Variants in STAM2 observed in about 807,000 individuals in gnomAD.
The protein encoded by STAM2 is signal transducing adaptor molecule 2.
A neutral mutation model predicts 65.6 loss-of-function variants in STAM2; 51 were observed. The ratio of observed to expected loss-of-function variants is 0.78; its 90% CI spans 0.62 to 0.98. The LOEUF (loss-of-function observed/expected upper bound fraction) is 0.98, where lower values mean the gene tolerates loss of function less well. Ranked by LOEUF, STAM2 falls within the 50% of genes least tolerant of loss-of-function variation. The pLI is 0.00. For missense variants in STAM2, 584 were observed against 617.8 expected (o/e 0.95, Z 0.58); for synonymous variants, 198 against 208.4 (o/e 0.95, Z 0.43).
At chr2:152,147,452 G>C in intron 4 of STAM2, 144 bp from the exon 5 acceptor site, 2 of 711,112 alleles carry the variant, frequency 2.8e-6, no homozygotes, top group Non-Finnish European at 4.3e-6. Flanking sequence ...GCCTAGTTGA[G>C]TAATTGATAG....
At chr2:152,160,099 C>G (rs1434666773) in intron 1 of STAM2, among the ~76,000 whole-genome samples, 1 of 152,238 alleles carries the variant, frequency 6.6e-6, no homozygotes, top group Non-Finnish European at 1.5e-5. Context: ...CTCCCAGCCG[C>G]CTGCCTTGGC....
intron 1 of STAM2, among the ~76,000 whole-genome samples, chr2:152,156,283 A>C (rs1451707395): frequency 6.6e-6 from 1 of 152,222 alleles, no homozygotes; most frequent in African/African-American, 2.4e-5. Context: ...CTTTTTAAAA[A>C]TATAAAATCT....
chr2:152,152,750 T>C (rs923449268), intron 1 of STAM2, among the ~76,000 whole-genome samples: 10 of 152,176 alleles, frequency 6.6e-5, no homozygotes, highest in African/African-American at 1.7e-4. Context: ...AACTATACTA[T>C]GGTACATTCC....
intron 1 of STAM2, among the ~76,000 whole-genome samples, chr2:152,154,877 G>C (rs1689513543): frequency 6.6e-6 from 1 of 152,092 alleles, no homozygotes; most frequent in African/African-American, 2.4e-5. Flanking sequence ...AAACAAGCTA[G>C]AGAAAAGTTA....
At chr2:152,136,378 G>A (rs1190252150) in intron 7 of STAM2, among the ~76,000 whole-genome samples, 1 of 152,124 alleles carries the variant, frequency 6.6e-6, no homozygotes, top group East Asian at 1.9e-4. Flanking sequence ...AGAAGGCAGA[G>A]GTTGCAGTGA....
At chr2:152,141,925 A>G (rs1029233901) in intron 7 of STAM2, among the ~76,000 whole-genome samples, 2 of 152,124 alleles carry the variant, frequency 1.3e-5, no homozygotes, top group Non-Finnish European at 2.9e-5. Flanking sequence ...CAAGAATGAT[A>G]TATTTTCAAG....
chr2:152,167,373 C>G (rs116202063), intron 1 of STAM2, among the ~76,000 whole-genome samples: 49 of 152,248 alleles, frequency 3.2e-4, no homozygotes, highest in African/African-American at 1.2e-3. Flanking sequence ...TAAAGGAAGT[C>G]TAAAAGCTGG....
rs867349873 is a variant in STAM2, at chr2:152,120,172, A to G, written c.*402T>C. 8.2e-5 allele frequency: 12 copies of G among 146,918 alleles called. No individual in the cohort carries two copies. In the East Asian group the frequency reaches 1.9e-3, roughly 23 times the overall value. The allele number at this position is 146,918 out of a possible 1,614,324, so 9.1% of individuals were successfully genotyped here. ...TTAATCCTCCTATCTCATACTGTTT[A>G]TAAGTATGAGATACTTTTGACAAAC... On this transcript the variant is annotated 3_prime_UTR_variant, in exon 14 of 14. Transcript: ENST00000263904.
At chr2:152,155,433 T>C (rs1579328487) in intron 1 of STAM2, among the ~76,000 whole-genome samples, 1 of 152,318 alleles carries the variant, frequency 6.6e-6, no homozygotes, top group East Asian at 1.9e-4. Flanking sequence ...AGGATCAAAC[T>C]TCAATAGCAA....
intron 12 of STAM2, among the ~76,000 whole-genome samples, chr2:152,125,093 C>A (rs1162297946): frequency 6.6e-6 from 1 of 152,046 alleles, no homozygotes; most frequent in African/African-American, 2.4e-5. Flanking sequence ...GGCAAATAAC[C>A]CTTTACAGAC....
intron 7 of STAM2, among the ~76,000 whole-genome samples, chr2:152,136,020 G>C (rs1286048330): frequency 6.6e-6 from 1 of 150,630 alleles, no homozygotes; most frequent in Non-Finnish European, 1.5e-5. Context: ...AACCCGGGAG[G>C]AGGAGGTTGC....
chr2:152,150,673 G>A (rs927866311), intron 1 of STAM2, among the ~76,000 whole-genome samples: 18 of 152,156 alleles, frequency 1.2e-4, no homozygotes, highest in Non-Finnish European at 2.4e-4. Context: ...AGGCATGGTG[G>A]CAAATGCCTG....
intron 6 of STAM2, 119 bp downstream of exon 6, chr2:152,144,769 C>T (rs959155168): frequency 1.9e-5 from 14 of 739,608 alleles, no homozygotes; most frequent in Non-Finnish European, 2.9e-5. Context: ...GATCTCTTGA[C>T]CTCATGATCT....
At chr2:152,162,079 T>C (rs1007450280) in intron 1 of STAM2, among the ~76,000 whole-genome samples, 3 of 152,148 alleles carry the variant, frequency 2.0e-5, no homozygotes, top group African/African-American at 7.2e-5. Flanking sequence ...CATCTTGGCC[T>C]CCCAAAGTGC....
chr2:152,144,945 C>A lies in STAM2; in HGVS notation c.460G>T (p.Ala154Ser), dbSNP rs781388169. 1 of 1,613,476 alleles carries A rather than the reference C, an allele frequency of 6.2e-7. No homozygotes were observed. Among genetic ancestry groups the A allele is most frequent in the South Asian group, 1.1e-5 (1 of 91,046 alleles). ...TTCGATGACGTACCATTCTTGGCAG[C>A]AGCTGAGACAGTCTGTAAATGTATG... ...PPAGSQTVSAAAKNGTSSNKN... is the reference protein window; with the variant it reads ...PPAGSQTVSASAKNGTSSNKN... The change falls in exon 6 of 14, where the codon GCT becomes TCT. Residue 154 changes from alanine (A) to serine (S), a missense_variant. By Grantham distance (99) the Ala-to-Ser change is moderately conservative. Coordinates refer to ENST00000263904, the MANE Select transcript of STAM2 (RefSeq NM_005843.6).
Position 152,129,686 on chromosome 2 carries a change from C to T in STAM2, c.1025+2428G>A, listed in dbSNP as rs78663756. Among the ~76,000 whole-genome samples, 537 of 152,118 alleles carry T rather than the reference C, an allele frequency of 3.5e-3. 2 individuals carry two copies. Among genetic ancestry groups the T allele is most frequent in the Admixed American group, 9.6e-3 (147 of 15,296 alleles). ...CTCAACCAACTTCAAATTGAAAATA[C>T]AAAAAATTAAAAAAAATTGTGTCTG... On this transcript the variant is annotated intron_variant, in intron 11 of 13. Coordinates refer to ENST00000263904, the MANE Select transcript of STAM2 (RefSeq NM_005843.6).
At chr2:152,148,849 TC>T (rs1264002490) in intron 2 of STAM2, among the ~76,000 whole-genome samples, 2 of 151,738 alleles carry the variant, frequency 1.3e-5, no homozygotes, top group African/African-American at 2.4e-5. Context: ...TCACAAAAGA[TC>T]TGTCAACACA....
chr2:152,174,694 C>CAAAAACAAACA (rs1689977486), intron 1 of STAM2, among the ~76,000 whole-genome samples: 1 of 152,028 alleles, frequency 6.6e-6, no homozygotes, highest in Non-Finnish European at 1.5e-5. Flanking sequence ...ACTACTGCTA[C>CAAAAACAAACA]AAAAACAAAC....
intron 1 of STAM2, among the ~76,000 whole-genome samples, chr2:152,159,978 G>C (rs960915279): frequency 6.6e-6 from 1 of 152,370 alleles, no homozygotes; most frequent in African/African-American, 2.4e-5. Context: ...TGATCTGCCA[G>C]CCTCGGCCTC....
Sources: gnomAD v4.1 joint callset for allele counts (sites outside exome capture counted in the v4.1 genomes callset) on GRCh38, gnomAD v4.1.1 for gene constraint, MANE v1.5 for transcripts, NCBI Gene and HGNC (gene_info 2026-07-23, HGNC 2026-07-21) for gene names.